The following MYO9A variants were observed in gnomAD, a reference collection of about 807,000 sequenced individuals.
MYO9A encodes the protein unconventional myosin-IXa.
A neutral mutation model predicts 293.3 loss-of-function variants in MYO9A; 103 were observed. That is an observed-to-expected ratio of 0.35 (90% confidence interval 0.30 to 0.41). The LOEUF is 0.41. Among genes scored for constraint, MYO9A ranks in the 10% least tolerant of loss-of-function variants. MYO9A has a pLI of 1.00. For synonymous variants in MYO9A, 1,001 were observed against 1,035.7 expected (o/e 0.97, Z 0.64); for missense variants, 2,685 against 3,033.0 (o/e 0.89, Z 2.69).
chr15:71,898,604 G>T lies in MYO9A; in HGVS notation c.3899C>A (p.Pro1300His). The T allele has an allele frequency of 6.2e-7, 1 of 1,614,068 alleles. No homozygotes were observed. Among genetic ancestry groups the T allele is most frequent in the Non-Finnish European group, 8.5e-7 (1 of 1,180,004 alleles). ...TGTAGACCATCTGCGATCCTCTGAA[G>T]GAGAAATACCACCAAGAGAACGAAC... is the stretch of plus-strand genomic sequence containing the variant. ...LKVRSLGGIS[P>H]SEDRRWSTEL... is the part of the protein sequence containing the mutation. Residue 1300 changes from proline to histidine, a missense_variant, in exon 25 of 42, where the codon CCT (proline) becomes CAT (histidine). Around this residue, in one of 10 missense-constraint regions of MYO9A, gnomAD observed 1,434 missense variants for 1,497.7 expected, o/e 0.96. Coordinates refer to ENST00000356056, the MANE Select transcript of MYO9A (RefSeq NM_006901.4).
chr15:71,995,838 T>G (rs1567361482), intron 9 of MYO9A, among the ~76,000 whole-genome samples: 1 of 152,064 alleles, frequency 6.6e-6, no homozygotes, highest in African/African-American at 2.4e-5. Context: ...GTTATACATC[T>G]ATAAAAAGAA....
At chr15:71,976,698 C>A (rs2076155390) in intron 12 of MYO9A, among the ~76,000 whole-genome samples, 1 of 152,138 alleles carries the variant, frequency 6.6e-6, no homozygotes, top group Admixed American at 6.5e-5. Context: ...TAGAGTAATG[C>A]AAGAAACTTT....
At chr15:71,932,233 A>G (rs2058496756) in intron 18 of MYO9A, among the ~76,000 whole-genome samples, 2 of 152,174 alleles carry the variant, frequency 1.3e-5, no homozygotes, top group South Asian at 2.1e-4. Flanking sequence ...GCAAACGTCT[A>G]TATTTTAGAT....
intron 1 of MYO9A, among the ~76,000 whole-genome samples, chr15:72,076,196 T>C (rs904457919): frequency 6.6e-6 from 1 of 151,132 alleles, no homozygotes; most frequent in Admixed American, 6.6e-5. Flanking sequence ...TACCAGCTAC[T>C]AGGGAGGTTG....
In MYO9A at chr15:72,086,148, T is replaced by C. The variant is rs150183930; in HGVS notation, c.-72+31532A>G. ...AGTGGCAGCACAGAGGGGTGCACAC[T>C]TGTCAGCTGTGGCAGTGTGCTAGCA... is the stretch of plus-strand genomic sequence containing the variant. On this transcript the variant is annotated intron_variant, in intron 1 of 41. Coordinates refer to ENST00000356056, the MANE Select transcript of MYO9A (RefSeq NM_006901.4). Among the ~76,000 whole-genome samples the C allele has an allele frequency of 2.6e-4, 39 of 152,290 alleles. No homozygotes were observed. The East Asian group carries it at 6.6e-3, about 26-fold the overall frequency.
At chr15:72,089,723 G>T (rs1263952487) in intron 1 of MYO9A, among the ~76,000 whole-genome samples, 1 of 152,170 alleles carries the variant, frequency 6.6e-6, no homozygotes, top group African/African-American at 2.4e-5. Flanking sequence ...AAAGGCTACA[G>T]TGAGCCATGA....
At chr15:71,893,634 A>G (rs1325430264) in intron 26 of MYO9A, 45 bp downstream of exon 26, 2 of 1,441,064 alleles carry the variant, frequency 1.4e-6, no homozygotes, top group Non-Finnish European at 9.7e-7. Context: ...AATAATGTAC[A>G]TCTCTTTTGT....
intron 15 of MYO9A, among the ~76,000 whole-genome samples, chr15:71,946,990 A>C (rs1011100475): frequency 6.6e-6 from 1 of 152,174 alleles, no homozygotes; most frequent in Non-Finnish European, 1.5e-5. Context: ...GGTGGCATGC[A>C]CCTGTAGACC....
At chr15:71,842,967 T>C (rs1189311716) in intron 39 of MYO9A, among the ~76,000 whole-genome samples, 1 of 152,004 alleles carries the variant, frequency 6.6e-6, no homozygotes, top group African/African-American at 2.4e-5. Context: ...TGTTAGACTC[T>C]TTTAGTTAAA....
intron 27 of MYO9A, among the ~76,000 whole-genome samples, chr15:71,887,412 T>C (rs543002895): frequency 6.6e-6 from 1 of 152,276 alleles, no homozygotes; most frequent in South Asian, 2.1e-4. Context: ...AAGCAGGATA[T>C]AAATTTGAAA....
chr15:72,021,046 A>C (rs1475123999), intron 4 of MYO9A, 29 bp from the exon 5 acceptor site: 3 of 1,400,504 alleles, frequency 2.1e-6, no homozygotes, highest in Non-Finnish European at 2.9e-6. Context: ...TACAAGTTTC[A>C]TAATGTGTGA....
chr15:72,045,699 A>G, intron 2 of MYO9A, 25 bp downstream of exon 2: 1 of 1,540,974 alleles, frequency 6.5e-7, no homozygotes, highest in Non-Finnish European at 8.7e-7. Flanking sequence ...AATTAAAATC[A>G]AAAATAAGAT....
At chr15:72,032,429 A>T in intron 3 of MYO9A, 65 bp downstream of exon 3, 3 of 1,041,502 alleles carry the variant, frequency 2.9e-6, no homozygotes, top group Non-Finnish European at 4.2e-6. Flanking sequence ...CATAGTTTAT[A>T]AAAGGGTAAA....
intron 1 of MYO9A, among the ~76,000 whole-genome samples, chr15:72,085,359 C>A (rs1228420668): frequency 6.6e-6 from 1 of 150,908 alleles, no homozygotes; most frequent in Non-Finnish European, 1.5e-5. Flanking sequence ...AGCCACTGCA[C>A]TCCAGCCTGG....
intron 18 of MYO9A, among the ~76,000 whole-genome samples, chr15:71,928,597 G>A (rs181068649): frequency 3.0e-4 from 45 of 152,006 alleles, no homozygotes; most frequent in African/African-American, 1.0e-3. Flanking sequence ...TTTCATTTGT[G>A]TTGTCTTCAA....
At chr15:72,081,447 A>G (rs777153464) in intron 1 of MYO9A, among the ~76,000 whole-genome samples, 6 of 152,024 alleles carry the variant, frequency 3.9e-5, no homozygotes, top group Non-Finnish European at 8.8e-5. Context: ...TAGGTGCTAG[A>G]TATTAGATCT....
In MYO9A at chr15:71,898,829, T is replaced by C; in HGVS notation, c.3674A>G (p.Asp1225Gly). The C allele has an allele frequency of 6.2e-7, 1 of 1,614,146 alleles. No homozygotes were observed. Among genetic ancestry groups the C allele is most frequent in the South Asian group, 1.1e-5 (1 of 91,078 alleles). ...SNRISRESSV[D>G]CLKESPNKQQ... ...CTTGTTTGGTGACTCCTTCAAGCAG[T>C]CCACTGAACTTTCACGGCTAATTCG... is the stretch of plus-strand genomic sequence containing the variant. The change falls in exon 25 of 42, where the codon GAC (aspartate) becomes GGC (glycine). Residue 1225 changes from aspartate (D) to glycine (G), a missense_variant. Around this residue, in one of 10 missense-constraint regions of MYO9A, gnomAD observed 1,434 missense variants for 1,497.7 expected, o/e 0.96. Transcript: ENST00000356056.
intron 5 of MYO9A, among the ~76,000 whole-genome samples, 187 bp from the exon 6 acceptor site, chr15:72,019,282 G>A (rs949245357): frequency 4.6e-5 from 7 of 152,082 alleles, no homozygotes; most frequent in Admixed American, 6.6e-5. Context: ...ACTACCGAAC[G>A]CATATATACC....
intron 11 of MYO9A, among the ~76,000 whole-genome samples, chr15:71,979,358 A>G (rs2076217819): frequency 6.6e-6 from 1 of 152,132 alleles, no homozygotes; most frequent in South Asian, 2.1e-4. Context: ...AAAAATATAC[A>G]CACTAGATAG....
Sources: allele counts gnomAD v4.1 joint callset (sites outside exome capture counted in the v4.1 genomes callset), GRCh38; gene constraint gnomAD v4.1.1; regional missense constraint gnomAD v4.1.1; transcripts MANE v1.5; gene names NCBI Gene and HGNC (gene_info 2026-07-23, HGNC 2026-07-21).